The following ARSI variants were observed in gnomAD, a reference collection of about 807,000 sequenced individuals.
The protein encoded by ARSI is arylsulfatase I.
Under a neutral mutation model 42.1 loss-of-function variants are expected in ARSI, and 37 were observed. The ratio of observed to expected loss-of-function variants is 0.88; its 90% CI spans 0.68 to 1.16. The LOEUF is 1.16. Among genes scored for constraint, ARSI ranks in the 50% most tolerant of loss-of-function variants. The probability of loss-of-function intolerance (pLI) is 0.00; values close to 1 mark genes in which losing one functional copy is unlikely to be tolerated. For synonymous variants in ARSI, 305 were observed against 320.3 expected (o/e 0.95, Z 0.51); for missense variants, 725 against 790.1 (o/e 0.92, Z 0.99).
At chr5:150,298,847 T>C (rs1380156594) in intron 1 of ARSI, among the ~76,000 whole-genome samples, 4 of 152,136 alleles carry the variant, frequency 2.6e-5, no homozygotes, top group Admixed American at 1.3e-4. Context: ...GATGAGGAGA[T>C]TGAAGCTCAG....
In ARSI at chr5:150,297,183, C is replaced by T. The variant is rs201659586; in HGVS notation, c.*31G>A. 658 of 1,532,958 alleles carry T rather than the reference C, an allele frequency of 4.3e-4. 7 individuals carry two copies. In the South Asian group the frequency reaches 7.0e-3, roughly 16 times the overall value. 95.0% of individuals were successfully genotyped at this position (1,532,958 alleles called of 1,614,324 possible). ...GGGCCAAGCCGGAGTGGGGAAGATC[C>T]TCTAAAGGACAGTTTTCTCCCTCCC... is the stretch of plus-strand genomic sequence containing the variant. On this transcript the variant is annotated 3_prime_UTR_variant, in exon 2 of 2. Coordinates refer to ENST00000328668, the MANE Select transcript of ARSI (RefSeq NM_001012301.4). This position sits in a 1 kb window ranked among gnomAD's most constrained non-coding sequence, Gnocchi z 7.0.
At position 150,297,801 on chromosome 5, in the gene ARSI, G is replaced by C; in HGVS notation, c.1123C>G (p.Pro375Ala). ...ADGLDGYDVW[P>A]AISEGRASPR... ...GAGGCCCGGCCCTCGCTGATGGCCGGCCACACGTCGTAGCCATCTAGCCCA... is the reference window on the plus strand; with the variant it reads ...GAGGCCCGGCCCTCGCTGATGGCCGCCCACACGTCGTAGCCATCTAGCCCA... Residue 375 changes from proline to alanine, a missense_variant, in exon 2 of 2, where the codon CCG becomes GCG. Pro to Ala is a conservative substitution (Grantham distance 27). Transcript: ENST00000328668. The surrounding 1 kb of genome is among the most constrained non-coding windows in gnomAD (Gnocchi z 7.0). The C allele has an allele frequency of 1.2e-6, 2 of 1,604,726 alleles. No homozygotes were observed. Among genetic ancestry groups the C allele is most frequent in the Non-Finnish European group, 1.7e-6 (2 of 1,174,742 alleles).
Position 150,297,687 on chromosome 5 carries a change from T to C in ARSI, c.1237A>G (p.Thr413Ala). 3 of 1,613,288 alleles carry C rather than the reference T, an allele frequency of 1.9e-6. No individual in the cohort carries two copies. The highest frequency in any genetic ancestry group is 2.5e-6 in the Non-Finnish European group (3 of 1,179,992). ...SLEGGFGIWN[T>A]AVQAAIRVGE... Reference sequence around the variant, plus strand: ...ACGCGGATGGCAGCCTGCACGGCGGTGTTCCAGATGCCAAAGCCGCCCTCC... The same window carrying C: ...ACGCGGATGGCAGCCTGCACGGCGGCGTTCCAGATGCCAAAGCCGCCCTCC... Residue 413 changes from threonine (T) to alanine (A), a missense_variant, in exon 2 of 2, where the codon ACC becomes GCC. Coordinates refer to ENST00000328668, the MANE Select transcript of ARSI (RefSeq NM_001012301.4). This position sits in a 1 kb window ranked among gnomAD's most constrained non-coding sequence, Gnocchi z 7.0.
At chr5:150,299,504 G>C (rs1251818739) in intron 1 of ARSI, among the ~76,000 whole-genome samples, 1 of 152,026 alleles carries the variant, frequency 6.6e-6, no homozygotes, top group Non-Finnish European at 1.5e-5. Context: ...ATGAATGAAT[G>C]ACACTTAAGA....
Position 150,302,347 on chromosome 5 carries a change from C to G in ARSI, c.27G>C (p.Leu9=), listed in dbSNP as rs1451469204. The G allele has an allele frequency of 1.3e-6, 2 of 1,542,884 alleles. No homozygotes were observed. Among genetic ancestry groups the G allele is most frequent in the East Asian group, 2.4e-5 (1 of 42,496 alleles). Residue 9 remains leucine (L), a synonymous_variant, in exon 1 of 2, where the codon CTG becomes CTC. Transcript: ENST00000328668. This position sits in a 1 kb window ranked among gnomAD's most constrained non-coding sequence, Gnocchi z 6.1. Reference sequence around the variant, plus strand: ...GGTAGCCGAAGCTGAGCAGGCTGACCAGGGAGAAGCCAGTGAGGGTGTGCA... The same window carrying G: ...GGTAGCCGAAGCTGAGCAGGCTGACGAGGGAGAAGCCAGTGAGGGTGTGCA... The part of the protein sequence containing the change: MHTLTGFS[L]VSLLSFGYLS...
chr5:150,299,678 C>T (rs577675232), intron 1 of ARSI, among the ~76,000 whole-genome samples: 28 of 152,158 alleles, frequency 1.8e-4, no homozygotes, highest in African/African-American at 6.5e-4. Flanking sequence ...AGAGTCTAAG[C>T]AGGGACTCTT....
chr5:150,301,883 C>G (rs893148482), intron 1 of ARSI, among the ~76,000 whole-genome samples, 180 bp downstream of exon 1: 6 of 152,074 alleles, frequency 3.9e-5, no homozygotes, highest in African/African-American at 1.4e-4. Flanking sequence ...ATGATGAAGC[C>G]CATTCAGTGT....
In ARSI at chr5:150,297,223, T is replaced by C; in HGVS notation, c.1701A>G (p.Gln567=). ...FRKLNTRLMS[Q]RI is the part of the protein sequence containing the mutation. ...TTCTCCCTCCCCACCATCAGATCCG[T>C]TGGGACATTAGCCTGGTGTTGAGTT... The change falls in exon 2 of 2, where the codon CAA becomes CAG. Residue 567 remains glutamine, a synonymous_variant. Transcript: ENST00000328668. This position sits in a 1 kb window ranked among gnomAD's most constrained non-coding sequence, Gnocchi z 7.0. The C allele has an allele frequency of 1.3e-6, 2 of 1,570,084 alleles. No individual in the cohort carries two copies. Among genetic ancestry groups the C allele is most frequent in the Non-Finnish European group, 8.6e-7 (1 of 1,159,972 alleles).
In ARSI at chr5:150,296,877, AG is replaced by A. The variant is rs1321862922; in HGVS notation, c.*336del. The A allele has an allele frequency of 1.6e-5, 3 of 193,198 alleles. No individual in the cohort carries two copies. Among genetic ancestry groups the A allele is most frequent in the African/African-American group, 7.0e-5 (3 of 42,956 alleles). 12.0% of individuals were successfully genotyped at this position (193,198 alleles called of 1,614,324 possible). A position where few individuals can be genotyped will look rare whatever the true frequency, so the allele number is the denominator to read the frequency against. ...GAGTTGTCAAGTGGCAAGGCCGGCC[AG>A]GAACTCCACCGTGGCCCCAGGCTCC... On this transcript the variant is annotated 3_prime_UTR_variant, in exon 2 of 2. Coordinates refer to ENST00000328668, the MANE Select transcript of ARSI (RefSeq NM_001012301.4).
chr5:150,299,436 C>T (rs780610223), intron 1 of ARSI, among the ~76,000 whole-genome samples: 2 of 152,174 alleles, frequency 1.3e-5, no homozygotes, highest in Non-Finnish European at 2.9e-5. Flanking sequence ...CTTTATTCAA[C>T]CTTCTATTCC....
chr5:150,300,408 C>T (rs1320190799), intron 1 of ARSI, among the ~76,000 whole-genome samples: 1 of 152,140 alleles, frequency 6.6e-6, no homozygotes, highest in Non-Finnish European at 1.5e-5. Flanking sequence ...TTGGTGATAA[C>T]GGCCTCTCCA....
rs753554853 is a variant in ARSI, at chr5:150,298,004, C to A, written c.920G>T (p.Ser307Ile). 9.3e-6 allele frequency: 15 copies of A among 1,612,404 alleles called. No homozygotes were observed. In the South Asian group the frequency reaches 1.4e-4, roughly 15 times the overall value. Residue 307 changes from serine to isoleucine, a missense_variant, in exon 2 of 2, where the codon AGC becomes ATC. Ser to Ile is a moderately radical substitution (Grantham distance 142). Coordinates refer to ENST00000328668, the MANE Select transcript of ARSI (RefSeq NM_001012301.4). ...DNGGQTFSGGSNWPLRGRKGT... is the reference protein window; with the variant it reads ...DNGGQTFSGGINWPLRGRKGT... ...CTTGCGTCCTCGGAGCGGCCAGTTG[C>A]TGCCCCCCGAGAAAGTCTGGCCACC...
chr5:150,300,655 T>A (rs1023467388), intron 1 of ARSI, among the ~76,000 whole-genome samples: 3 of 152,202 alleles, frequency 2.0e-5, no homozygotes, highest in African/African-American at 7.2e-5. Context: ...ACGAGGGCTG[T>A]AAGCATCAAT....
At position 150,298,196 on chromosome 5, in the gene ARSI, T is replaced by C. The variant is rs746923294; in HGVS notation, c.728A>G (p.Gln243Arg). Reference protein sequence around the residue: ...VAFQAVHTPLQSPREYLYRYR... With the variant: ...VAFQAVHTPLRSPREYLYRYR... ...GCGGTACAGGTACTCACGAGGGGAC[T>C]GCAGGGGTGTGTGTACTGCCTGGAA... Residue 243 changes from glutamine to arginine, a missense_variant, in exon 2 of 2, where the codon CAG (glutamine) becomes CGG (arginine). Physicochemically the swap from Gln to Arg is conservative, Grantham distance 43 (BLOSUM62 1). Transcript: ENST00000328668. 6 of 1,614,076 alleles carry C rather than the reference T, an allele frequency of 3.7e-6. No individual in the cohort carries two copies. The South Asian group carries it at 5.5e-5, about 15-fold the overall frequency.
chr5:150,298,614 T>C lies in ARSI; in HGVS notation c.312-2A>G, dbSNP rs771353110. On this transcript the variant is annotated splice_acceptor_variant, in intron 1 of 1. Coordinates refer to ENST00000328668, the MANE Select transcript of ARSI (RefSeq NM_001012301.4). LOFTEE classifies it high-confidence loss of function. ...TGGAGTCCTGTGTGGATCTGGTACC[T>C]GGTGGGGAGGAGGGGAAGGCACAGA... The C allele has an allele frequency of 6.3e-7, 1 of 1,599,092 alleles. No individual in the cohort carries two copies. The highest frequency in any genetic ancestry group is 8.5e-7 in the Non-Finnish European group (1 of 1,170,646).
rs1011118937 is a variant in ARSI, at chr5:150,297,705, C to T, written c.1219G>A (p.Gly407Ser). ...NHAQHGSLEG[G>S]FGIWNTAVQA... Reference sequence around the variant, plus strand: ...ACGGCGGTGTTCCAGATGCCAAAGCCGCCCTCCAGGGAGCCATGCTGGGCA... The same window carrying T: ...ACGGCGGTGTTCCAGATGCCAAAGCTGCCCTCCAGGGAGCCATGCTGGGCA... The change falls in exon 2 of 2, where the codon GGC (glycine) becomes AGC (serine). Residue 407 changes from glycine to serine, a missense_variant. Physicochemically the swap from Gly to Ser is moderately conservative, Grantham distance 56. Coordinates refer to ENST00000328668, the MANE Select transcript of ARSI (RefSeq NM_001012301.4). The surrounding 1 kb of genome is among the most constrained non-coding windows in gnomAD (Gnocchi z 7.0). 27 of 1,613,252 alleles carry T rather than the reference C, an allele frequency of 1.7e-5. No individual in the cohort carries two copies. The highest frequency in any genetic ancestry group is 2.7e-5 in the African/African-American group (2 of 74,926).
chr5:150,297,608 G>A lies in ARSI; in HGVS notation c.1316C>T (p.Pro439Leu), dbSNP rs774062783. Residue 439 changes from proline (P) to leucine (L), a missense_variant, in exon 2 of 2, where the codon CCG becomes CTG. Transcript: ENST00000328668. The surrounding 1 kb of genome is among the most constrained non-coding windows in gnomAD (Gnocchi z 7.0). Reference sequence around the variant, plus strand: ...ACCCGGGAAGGTGGCCAGTGTCTGCGGTGGGATCCAATCGCCATAGCCGGG... The same window carrying A: ...ACCCGGGAAGGTGGCCAGTGTCTGCAGTGGGATCCAATCGCCATAGCCGGG... ...GDPGYGDWIP[P>L]QTLATFPGSW... The A allele has an allele frequency of 1.1e-5, 18 of 1,610,908 alleles. No individual in the cohort carries two copies. The highest frequency in any genetic ancestry group is 2.2e-5 in the East Asian group (1 of 44,870).
rs749234347 is a variant in ARSI at position 150,302,601 on chromosome 5, C to T, written c.-228G>A. 6.4e-5 allele frequency: 24 copies of T among 377,730 alleles called. No individual in the cohort carries two copies. Among genetic ancestry groups the T allele is most frequent in the Non-Finnish European group, 1.0e-4 (22 of 214,776 alleles). The allele number at this position is 377,730 out of a possible 1,614,324, so 23.4% of individuals were successfully genotyped here. On this transcript the variant is annotated 5_prime_UTR_variant, in exon 1 of 2. Transcript: ENST00000328668. This position sits in a 1 kb window ranked among gnomAD's most constrained non-coding sequence, Gnocchi z 6.1. ...GTCAGGCCCGCGCCGAGCTGCCTCCCGCTGCCTAAGCGCAGGCCCTGCGCC... is the reference window on the plus strand; with the variant it reads ...GTCAGGCCCGCGCCGAGCTGCCTCCTGCTGCCTAAGCGCAGGCCCTGCGCC...
rs1757841945 is a variant in ARSI at position 150,297,841 on chromosome 5, G to A, written c.1083C>T (p.Thr361=). The change falls in exon 2 of 2, where the codon ACC becomes ACT. Residue 361 remains threonine, a synonymous_variant. Transcript: ENST00000328668. The surrounding 1 kb of genome is among the most constrained non-coding windows in gnomAD (Gnocchi z 7.0). The part of the protein sequence containing the change: ...YPTLVGLAGG[T]TSAADGLDGY... ...CATCTAGCCCATCGGCTGCTGAGGT[G>A]GTACCACCTGCCAGACCCACCAGGG... is the stretch of plus-strand genomic sequence containing the variant. 1 of 1,610,500 alleles carries A rather than the reference G, an allele frequency of 6.2e-7. No individual in the cohort carries two copies. The highest frequency in any genetic ancestry group is 8.5e-7 in the Non-Finnish European group (1 of 1,178,530).
Sources: allele counts gnomAD v4.1 joint callset (sites outside exome capture counted in the v4.1 genomes callset), GRCh38; gene constraint gnomAD v4.1.1; non-coding constraint Gnocchi (gnomAD v3.1); transcripts MANE v1.5; gene names NCBI Gene and HGNC (gene_info 2026-07-23, HGNC 2026-07-21).